Variants in ZNF257 observed in about 807,000 individuals in gnomAD.
ZNF257 encodes the protein zinc finger protein 257.
Under a neutral mutation model 11.9 loss-of-function variants are expected in ZNF257, and 12 were observed. That is an observed-to-expected ratio of 1.01 (90% CI 0.65 to 1.63). The LOEUF (loss-of-function observed/expected upper bound fraction) is 1.63, where lower values mean the gene tolerates loss of function less well. ZNF257 is among the 40% of genes most tolerant of loss of function. The pLI, the probability that ZNF257 is intolerant of heterozygous loss-of-function variation, is 0.00. For missense variants in ZNF257, 580 were observed against 665.5 expected, an observed-to-expected ratio of 0.87 and a Z score of 1.41; for synonymous variants, 183 against 222.7, an observed-to-expected ratio of 0.82 and a Z score of 1.59.
chr19:22,073,332 A>G, intron 2 of ZNF257, 137 bp from the exon 3 acceptor site: 1 of 1,086,682 alleles, frequency 9.2e-7, no homozygotes, highest in East Asian at 3.0e-5. Context: ...CTAAATATTT[A>G]GAAATTTCTG....
intron 3 of ZNF257, among the ~76,000 whole-genome samples, chr19:22,073,985 T>A (rs1177301579): frequency 2.0e-5 from 3 of 152,182 alleles, no homozygotes; most frequent in Non-Finnish European, 2.9e-5. Flanking sequence ...TTGAATTTTT[T>A]AATTTTTCTG....
chr19:22,084,287 G>A (rs1040904941), intron 3 of ZNF257, among the ~76,000 whole-genome samples: 1 of 152,128 alleles, frequency 6.6e-6, no homozygotes, highest in Non-Finnish European at 1.5e-5. Context: ...GTATGTAAAT[G>A]ACTCTTTATA....
At chr19:22,052,724 T>A (rs387315) in intron 1 of ZNF257, 89 bp downstream of exon 1, 1 of 1,514,522 alleles carries the variant, frequency 6.6e-7, no homozygotes, top group Non-Finnish European at 9.1e-7. Flanking sequence ...CAGGCCTCCT[T>A]GCAGTCAGCC....
chr19:22,052,722 C>T, intron 1 of ZNF257, 87 bp downstream of exon 1: 2 of 1,536,058 alleles, frequency 1.3e-6, no homozygotes, highest in South Asian at 1.1e-5. Flanking sequence ...CTCAGGCCTC[C>T]TTGCAGTCAG....
intron 1 of ZNF257, among the ~76,000 whole-genome samples, chr19:22,057,679 G>C (rs1038590456): frequency 1.3e-5 from 2 of 152,190 alleles, no homozygotes; most frequent in African/African-American, 2.4e-5. Context: ...AGCTTAGGCT[G>C]ACAGGGACTG....
chr19:22,078,510 AT>A (rs2022283587), intron 3 of ZNF257, among the ~76,000 whole-genome samples: 1 of 151,948 alleles, frequency 6.6e-6, no homozygotes, highest in Non-Finnish European at 1.5e-5. Flanking sequence ...ATTTTCACAC[AT>A]TTTTTATGAG....
intron 3 of ZNF257, among the ~76,000 whole-genome samples, chr19:22,076,420 CTA>C (rs1465363132): frequency 6.6e-6 from 1 of 151,692 alleles, no homozygotes; most frequent in South Asian, 2.1e-4. Flanking sequence ...AAAATTATCT[CTA>C]GTTTATTTTA....
At chr19:22,060,620 G>A (rs10423881) in intron 1 of ZNF257, 36,009 of 151,618 alleles carry the variant, frequency 0.24, 5,804 homozygotes, top group African/African-American at 0.46. Flanking sequence ...TGAGTAGCTG[G>A]GATTACAGGT....
At chr19:22,071,742 A>G (rs1020673324) in intron 1 of ZNF257, among the ~76,000 whole-genome samples, 2 of 152,116 alleles carry the variant, frequency 1.3e-5, no homozygotes, top group African/African-American at 4.8e-5. Context: ...AATCTACTGT[A>G]TTAAAAATGT....
rs144127526 is a variant in ZNF257 at position 22,082,273 on chromosome 19, TAGAG to T, written c.227-5701_227-5698del. On this transcript the variant is annotated intron_variant, in intron 3 of 3. Transcript: ENST00000594947. ...TGTGTGTCTGTATATTTACATTTAA[TAGAG>T]AGGTTTATATTTACATAGTCATATG... 5.4e-3 allele frequency among the ~76,000 whole-genome samples: 829 copies of T among 152,308 alleles called. 6 individuals are homozygous for T. The highest frequency in any genetic ancestry group is 0.018 in the African/African-American group (761 of 41,542).
chr19:22,073,265 T>A (rs868867757), intron 2 of ZNF257, among the ~76,000 whole-genome samples: 1 of 152,080 alleles, frequency 6.6e-6, no homozygotes, highest in African/African-American at 2.4e-5. Context: ...TACCACCAAT[T>A]TTTTTATTCA....
rs754445246 is a variant in ZNF257, at chr19:22,088,152, C to A, written c.402C>A (p.Asn134Lys). The A allele has an allele frequency of 3.1e-6, 5 of 1,609,126 alleles. No individual in the cohort carries two copies. The South Asian group carries it at 5.5e-5, about 18-fold the overall frequency. Residue 134 changes from asparagine to lysine, a missense_variant, in exon 4 of 4, where the codon AAC becomes AAA. By Grantham distance (94) the Asn-to-Lys change is moderately conservative. Transcript: ENST00000594947. Reference sequence around the variant, plus strand: ...GCAAAGGAGGTTATAATGGACTTAACCAATGTCTGATAACTACCCAGAGCA... The same window carrying A: ...GCAAAGGAGGTTATAATGGACTTAAACAATGTCTGATAACTACCCAGAGCA... ...KVCKGGYNGLNQCLITTQSKM... is the reference protein window; with the variant it reads ...KVCKGGYNGLKQCLITTQSKM...
At position 22,088,790 on chromosome 19, in the gene ZNF257, A is replaced by T. The variant is rs2022548571; in HGVS notation, c.1040A>T (p.Glu347Val). ...IHTGEKPFQC[E>V]ECGKAFNRSS... is the part of the protein sequence containing the mutation. The stretch of plus-strand genomic sequence containing the variant: ...ACTGGAGAGAAACCCTTCCAATGTG[A>T]AGAGTGTGGCAAAGCTTTTAACCGG... The change falls in exon 4 of 4, where the codon GAA becomes GTA. Residue 347 changes from glutamate (E) to valine (V), a missense_variant. Glu to Val is a moderately radical substitution (Grantham distance 121, BLOSUM62 -2). Coordinates refer to ENST00000594947, the MANE Select transcript of ZNF257 (RefSeq NM_033468.4). 3 of 1,613,172 alleles carry T rather than the reference A, an allele frequency of 1.9e-6. No individual in the cohort carries two copies. In the East Asian group the frequency reaches 6.7e-5, roughly 36 times the overall value.
intron 1 of ZNF257, among the ~76,000 whole-genome samples, chr19:22,061,359 T>G (rs975052466): frequency 6.6e-6 from 1 of 152,236 alleles, no homozygotes; most frequent in African/African-American, 2.4e-5. Context: ...TTCACCCCTC[T>G]GGTTAGCTGT....
At chr19:22,062,643 C>T (rs561041341) in intron 1 of ZNF257, among the ~76,000 whole-genome samples, 3 of 151,912 alleles carry the variant, frequency 2.0e-5, no homozygotes, top group South Asian at 2.1e-4. Flanking sequence ...CCACCACACC[C>T]GGATAATTTT....
chr19:22,067,668 C>G (rs546936091), intron 1 of ZNF257, among the ~76,000 whole-genome samples: 1 of 151,746 alleles, frequency 6.6e-6, no homozygotes, highest in East Asian at 1.9e-4. Flanking sequence ...AACCCTGTCT[C>G]TGCTAAAAAT....
At chr19:22,065,386 G>C (rs1447051903) in intron 1 of ZNF257, among the ~76,000 whole-genome samples, 1 of 151,934 alleles carries the variant, frequency 6.6e-6, no homozygotes, top group Non-Finnish European at 1.5e-5. Flanking sequence ...TTTTAGTAGA[G>C]ATGGGATTTC....
At chr19:22,068,236 T>C (rs1299176903) in intron 1 of ZNF257, among the ~76,000 whole-genome samples, 1 of 148,864 alleles carries the variant, frequency 6.7e-6, no homozygotes, top group African/African-American at 2.5e-5. Flanking sequence ...GCAACTTGAA[T>C]CTTTGCTCCC....
intron 3 of ZNF257, among the ~76,000 whole-genome samples, chr19:22,084,859 A>G (rs28772990): frequency 1.7e-4 from 26 of 151,192 alleles, no homozygotes; most frequent in Non-Finnish European, 2.6e-4. Context: ...CCTGCTGAGT[A>G]TCTGAGATTA....
Sources: allele counts gnomAD v4.1 joint callset (sites outside exome capture counted in the v4.1 genomes callset), GRCh38; gene constraint gnomAD v4.1.1; transcripts MANE v1.5; gene names NCBI Gene and HGNC (gene_info 2026-07-23, HGNC 2026-07-21).